Variants in LRMDA observed in about 807,000 individuals in gnomAD.
LRMDA encodes leucine-rich melanocyte differentiation-associated protein.
Under a neutral mutation model 29.8 loss-of-function variants are expected in LRMDA, and 18 were observed. The ratio of observed to expected loss-of-function variants is 0.60; its 90% CI spans 0.42 to 0.90. The LOEUF is 0.90. Among genes scored for constraint, LRMDA ranks in the 40% least tolerant of loss-of-function variants. The pLI is 0.00. For synonymous variants in LRMDA, 125 were observed against 109.4 expected (o/e 1.14, Z -0.89); for missense variants, 273 against 273.9 (o/e 1.00, Z 0.02).
intron 2 of LRMDA, chr10:75,601,398 T>C (rs1483961404): frequency 6.6e-6 from 1 of 152,196 alleles, no homozygotes; most frequent in Non-Finnish European, 1.5e-5. Context: ...CCATGGAAGA[T>C]GCAAGGAGAG....
At chr10:76,300,154 C>T (rs1840462932) in intron 5 of LRMDA, among the ~76,000 whole-genome samples, 1 of 152,130 alleles carries the variant, frequency 6.6e-6, no homozygotes, top group African/African-American at 2.4e-5. Flanking sequence ...TAACCATGTA[C>T]CTATGAACAT....
intron 6 of LRMDA, among the ~76,000 whole-genome samples, chr10:76,542,054 C>CGTGTGTGT (rs34637437): frequency 6.7e-6 from 1 of 150,156 alleles, no homozygotes; most frequent in African/African-American, 2.4e-5. Context: ...GGTGTGTGCA[C>CGTGTGTGT]GTGTGTGTGT....
chr10:75,898,078 C>G (rs1845613683), intron 2 of LRMDA, among the ~76,000 whole-genome samples: 1 of 152,016 alleles, frequency 6.6e-6, no homozygotes, highest in East Asian at 1.9e-4. Flanking sequence ...TCTGCCTTGG[C>G]CTCCCAAAGT....
At chr10:76,335,007 T>C (rs1017277627) in intron 6 of LRMDA, among the ~76,000 whole-genome samples, 2 of 152,154 alleles carry the variant, frequency 1.3e-5, no homozygotes, top group African/African-American at 4.8e-5. Flanking sequence ...GGAGGTGGCC[T>C]TGGATGAAGG....
chr10:76,514,372 T>G (rs1057421407), intron 6 of LRMDA, among the ~76,000 whole-genome samples: 1 of 151,966 alleles, frequency 6.6e-6, no homozygotes, highest in African/African-American at 2.4e-5. Context: ...AGTTGTCAGG[T>G]GGTTGCTTAG....
chr10:76,458,328 C>T (rs1360974685), intron 6 of LRMDA, among the ~76,000 whole-genome samples: 1 of 152,058 alleles, frequency 6.6e-6, no homozygotes, highest in Admixed American at 6.6e-5. Flanking sequence ...GTTTTCATTT[C>T]CAATACTAAT....
chr10:75,863,383 T>C (rs1010226265), intron 2 of LRMDA, among the ~76,000 whole-genome samples: 5 of 152,312 alleles, frequency 3.3e-5, no homozygotes, highest in East Asian at 1.9e-4. Flanking sequence ...GGAGCATTCA[T>C]TGGCACCCTC....
In LRMDA at chr10:75,620,162, G is replaced by C. The variant is rs550007619; in HGVS notation, c.131+181668G>C. 2.0e-4 allele frequency among the ~76,000 whole-genome samples: 30 copies of C among 152,208 alleles called. No individual in the cohort carries two copies. The South Asian group carries it at 3.1e-3, about 16-fold the overall frequency. ...GACAGTTGGAACATTCACAGACCAGGCCTGGTCATGTTTTCATCAGGGAGG... is the reference window on the plus strand; with the variant it reads ...GACAGTTGGAACATTCACAGACCAGCCCTGGTCATGTTTTCATCAGGGAGG... On this transcript the variant is annotated intron_variant, in intron 2 of 6. Coordinates refer to ENST00000611255, the MANE Select transcript of LRMDA (RefSeq NM_001305581.2).
chr10:75,726,790 T>C (rs1262241804), intron 2 of LRMDA, among the ~76,000 whole-genome samples: 2 of 152,206 alleles, frequency 1.3e-5, no homozygotes, highest in African/African-American at 2.4e-5. Context: ...ACTTGCTGTG[T>C]TCTAGGATTT....
chr10:76,212,885 G>A (rs1054664581), intron 5 of LRMDA, among the ~76,000 whole-genome samples: 3 of 152,130 alleles, frequency 2.0e-5, no homozygotes, highest in Admixed American at 1.3e-4. Context: ...GGGGGGATGT[G>A]CCAAGGAATC....
chr10:76,454,035 C>T (rs954552185), intron 6 of LRMDA, among the ~76,000 whole-genome samples: 1 of 152,180 alleles, frequency 6.6e-6, no homozygotes, highest in African/African-American at 2.4e-5. Flanking sequence ...CTGAGAATCA[C>T]ATCTTCTCAG....
chr10:75,947,082 C>T (rs1403998910), intron 2 of LRMDA, among the ~76,000 whole-genome samples: 6 of 152,176 alleles, frequency 3.9e-5, no homozygotes, highest in African/African-American at 7.2e-5. Context: ...TTTGCTTTGG[C>T]GTGAAATTGT....
intron 2 of LRMDA, among the ~76,000 whole-genome samples, chr10:75,536,980 C>G (rs1472444746): frequency 6.6e-6 from 1 of 152,106 alleles, no homozygotes; most frequent in Non-Finnish European, 1.5e-5. Context: ...GGACAAATAA[C>G]AGGTATCCTA....
intron 2 of LRMDA, among the ~76,000 whole-genome samples, chr10:75,491,108 T>G (rs903072329): frequency 6.6e-6 from 1 of 152,212 alleles, no homozygotes; most frequent in Non-Finnish European, 1.5e-5. Context: ...GAAGCTTGAA[T>G]TTATTTTTTA....
intron 6 of LRMDA, among the ~76,000 whole-genome samples, chr10:76,330,156 C>T (rs1840887216): frequency 6.6e-6 from 1 of 152,048 alleles, no homozygotes; most frequent in African/African-American, 2.4e-5. Flanking sequence ...GGTGCAGGGG[C>T]AGAATGATGC....
At chr10:76,107,426 A>G (rs1849505500) in intron 5 of LRMDA, among the ~76,000 whole-genome samples, 1 of 152,138 alleles carries the variant, frequency 6.6e-6, no homozygotes, top group Non-Finnish European at 1.5e-5. Context: ...GTTCTCTCCT[A>G]CTTAGTCTTG....
chr10:76,107,671 C>T (rs1470749537), intron 5 of LRMDA, among the ~76,000 whole-genome samples: 2 of 152,332 alleles, frequency 1.3e-5, no homozygotes, highest in South Asian at 2.1e-4. Context: ...CTCACAGCTT[C>T]CCCCTTTTGC....
At chr10:75,760,104 A>G (rs1294831555) in intron 2 of LRMDA, among the ~76,000 whole-genome samples, 1 of 152,248 alleles carries the variant, frequency 6.6e-6, no homozygotes, top group Non-Finnish European at 1.5e-5. Context: ...GTATTTGCTC[A>G]TGGGAAAGTG....
chr10:75,790,350 A>G (rs1843544363), intron 2 of LRMDA, among the ~76,000 whole-genome samples: 1 of 152,232 alleles, frequency 6.6e-6, no homozygotes, highest in Admixed American at 6.5e-5. Flanking sequence ...GGAAAATTAG[A>G]TGATATAAAG....
Sources: allele counts gnomAD v4.1 joint callset (sites outside exome capture counted in the v4.1 genomes callset), GRCh38; gene constraint gnomAD v4.1.1; transcripts MANE v1.5; gene names NCBI Gene and HGNC (gene_info 2026-07-23, HGNC 2026-07-21).